PTPRD: variants seen among roughly 807,000 people sequenced by gnomAD.
PTPRD encodes the protein receptor-type tyrosine-protein phosphatase delta.
In PTPRD, 34 loss-of-function variants were observed where a neutral mutation model predicts 214.5. The observed-to-expected ratio is 0.16, with a 90% CI of 0.12 to 0.21. PTPRD has a LOEUF of 0.21. PTPRD is among the 10% of genes least tolerant of loss of function. The pLI, the probability that PTPRD is intolerant of heterozygous loss-of-function variation, is 1.00. For synonymous variants in PTPRD, 1,128 were observed against 845.7 expected (o/e 1.33, Z -5.79); for missense variants, 2,545 against 2,398.7 (o/e 1.06, Z -1.27).
At chr9:9,318,611 A>C (rs943149123) in intron 9 of PTPRD, among the ~76,000 whole-genome samples, 1 of 152,212 alleles carries the variant, frequency 6.6e-6, no homozygotes, top group African/African-American at 2.4e-5. Context: ...AAAGAATTTA[A>C]AGTATAATCA....
intron 9 of PTPRD, among the ~76,000 whole-genome samples, chr9:9,235,859 T>TG (rs2099966312): frequency 6.6e-6 from 1 of 152,182 alleles, no homozygotes; most frequent in African/African-American, 2.4e-5. Context: ...GTGACTTTTT[T>TG]TTTGTTGTTG....
At chr9:10,077,913 C>T (rs932550177) in intron 3 of PTPRD, among the ~76,000 whole-genome samples, 3 of 151,744 alleles carry the variant, frequency 2.0e-5, no homozygotes, top group African/African-American at 7.3e-5. Context: ...GGTAATCCAC[C>T]TACCATAATG....
chr9:9,894,834 CTG>C (rs2074492953), intron 5 of PTPRD, among the ~76,000 whole-genome samples: 1 of 151,950 alleles, frequency 6.6e-6, no homozygotes, highest in Non-Finnish European at 1.5e-5. Context: ...AATAAAATGT[CTG>C]TTTTTTTTCT....
intron 10 of PTPRD, among the ~76,000 whole-genome samples, chr9:9,105,173 G>A (rs112007822): frequency 2.0e-4 from 31 of 152,256 alleles, no homozygotes; most frequent in African/African-American, 6.5e-4. Flanking sequence ...TTTAACTGAT[G>A]AGGAAAAAGT....
chr9:9,284,971 A>C (rs1209237336), intron 9 of PTPRD, among the ~76,000 whole-genome samples: 2 of 151,832 alleles, frequency 1.3e-5, no homozygotes. Context: ...AAGCTAACAT[A>C]GAACAATATC....
At chr9:10,385,508 G>A (rs1294214508) in intron 2 of PTPRD, among the ~76,000 whole-genome samples, 2 of 151,722 alleles carry the variant, frequency 1.3e-5, no homozygotes, top group Non-Finnish European at 2.9e-5. Context: ...CTTAATGTAA[G>A]TAAGTTCAAA....
intron 9 of PTPRD, among the ~76,000 whole-genome samples, chr9:9,304,986 T>G (rs542983854): frequency 6.8e-6 from 1 of 147,122 alleles, no homozygotes; most frequent in Non-Finnish European, 1.5e-5. Context: ...CGAACTGTGC[T>G]TTAAACAGAT....
intron 9 of PTPRD, among the ~76,000 whole-genome samples, chr9:9,191,676 A>C (rs2099935292): frequency 6.6e-6 from 1 of 152,062 alleles, no homozygotes; most frequent in Admixed American, 6.6e-5. Context: ...CTCTTTATTT[A>C]TTGCACCATT....
At chr9:8,727,356 C>T (rs1358438192) in intron 12 of PTPRD, among the ~76,000 whole-genome samples, 1 of 152,200 alleles carries the variant, frequency 6.6e-6, no homozygotes, top group Non-Finnish European at 1.5e-5. Flanking sequence ...CACAGAAACT[C>T]CACAATGAGG....
chr9:9,387,429 C>T (rs953104535), intron 9 of PTPRD, among the ~76,000 whole-genome samples: 5 of 151,990 alleles, frequency 3.3e-5, no homozygotes, highest in Admixed American at 1.3e-4. Flanking sequence ...GACATTTATT[C>T]GTTTCCCCTT....
At chr9:10,300,513 G>A (rs1178693985) in intron 3 of PTPRD, among the ~76,000 whole-genome samples, 1 of 152,204 alleles carries the variant, frequency 6.6e-6, no homozygotes. Flanking sequence ...CTAAGATCCT[G>A]GCTTGAAATT....
chr9:10,068,908 A>C (rs1234335215), intron 3 of PTPRD, among the ~76,000 whole-genome samples: 3 of 152,060 alleles, frequency 2.0e-5, no homozygotes, highest in Non-Finnish European at 4.4e-5. Flanking sequence ...ATTTGAAATA[A>C]AAGCCATCCT....
In PTPRD at chr9:8,341,581, G is replaced by A. The variant is rs1588133710; in HGVS notation, c.4947+112C>T. ...TTATAATCATACACCTGAGGGAAAG[G>A]TCAAATGAATCTTGTACTTCACAAA... On this transcript the variant is annotated intron_variant, in intron 40 of 45. Coordinates refer to ENST00000381196, the MANE Select transcript of PTPRD (RefSeq NM_002839.4). The A allele has an allele frequency of 4.0e-6, 5 of 1,246,712 alleles. No individual in the cohort carries two copies. The African/African-American group carries it at 6.0e-5, about 15-fold the overall frequency. 77.2% of individuals were successfully genotyped at this position (1,246,712 alleles called of 1,614,324 possible).
chr9:8,691,397 A>G lies in PTPRD; in HGVS notation c.64+42383T>C, dbSNP rs1196552342. On this transcript the variant is annotated intron_variant, in intron 12 of 45. Transcript: ENST00000381196. ...ATTCTGAGGCTGTTCTTCTCTAGAG[A>G]AAAAAAAAAAAAAATAGAAGAGTGC... Among the ~76,000 whole-genome samples the G allele has an allele frequency of 2.1e-4, 15 of 71,418 alleles. No homozygotes were observed. The East Asian group carries it at 7.7e-3, about 37-fold the overall frequency. The allele number at this position is 71,418 out of a possible 152,430, so 46.9% of individuals were successfully genotyped here. A position where few individuals can be genotyped will look rare whatever the true frequency, so the allele number is the denominator to read the frequency against.
At chr9:9,242,889 G>A (rs1165353153) in intron 9 of PTPRD, among the ~76,000 whole-genome samples, 2 of 152,130 alleles carry the variant, frequency 1.3e-5, no homozygotes, top group Non-Finnish European at 2.9e-5. Context: ...GTGAGGAGCT[G>A]CGTTCCTTTG....
At chr9:8,858,043 C>A in intron 11 of PTPRD, 1 of 160,582 alleles carries the variant, frequency 6.2e-6, no homozygotes, top group East Asian at 1.9e-4. Context: ...CTCCTGCTCG[C>A]CCTGCGCCCG....
At position 8,709,964 on chromosome 9, in the gene PTPRD, A is replaced by C. The variant is rs181249583; in HGVS notation, c.64+23816T>G. Among the ~76,000 whole-genome samples, 22 of 152,328 alleles carry C rather than the reference A, an allele frequency of 1.4e-4. No individual in the cohort carries two copies. In the East Asian group the frequency reaches 2.5e-3, roughly 17 times the overall value. On this transcript the variant is annotated intron_variant, in intron 12 of 45. Coordinates refer to ENST00000381196, the MANE Select transcript of PTPRD (RefSeq NM_002839.4). Reference sequence around the variant, plus strand: ...AGGTATGAATCACAGCTTATTATTTATTATGAACAAACAGCGAACAACTAC... The same window carrying C: ...AGGTATGAATCACAGCTTATTATTTCTTATGAACAAACAGCGAACAACTAC...
At chr9:8,692,240 C>A (rs2097822805) in intron 12 of PTPRD, among the ~76,000 whole-genome samples, 2 of 152,204 alleles carry the variant, frequency 1.3e-5, no homozygotes, top group African/African-American at 4.8e-5. Flanking sequence ...TCTACCATCT[C>A]AGTAGCTGAA....
chr9:9,189,932 T>C (rs763800628), intron 9 of PTPRD, among the ~76,000 whole-genome samples: 5 of 152,016 alleles, frequency 3.3e-5, no homozygotes, highest in Non-Finnish European at 5.9e-5. Context: ...AGCAGAAGTA[T>C]CACATGTCAC....
Sources: gnomAD v4.1 joint callset for allele counts (sites outside exome capture counted in the v4.1 genomes callset) on GRCh38, gnomAD v4.1.1 for gene constraint, MANE v1.5 for transcripts, NCBI Gene and HGNC (gene_info 2026-07-23, HGNC 2026-07-21) for gene names.